CDK14: variants seen among roughly 807,000 people sequenced by gnomAD.
CDK14 encodes the protein cyclin-dependent kinase 14.
CDK14 carries 34 observed loss-of-function variants against 60.7 expected under a neutral mutation model. That is an observed-to-expected ratio of 0.56 (90% confidence interval 0.43 to 0.75). The LOEUF (loss-of-function observed/expected upper bound fraction) is 0.75, where lower values mean the gene tolerates loss of function less well. Ranked by LOEUF, CDK14 falls within the 30% of genes least tolerant of loss-of-function variation. The pLI is 0.00. For synonymous variants in CDK14, 197 were observed against 203.7 expected (o/e 0.97, Z 0.28); for missense variants, 482 against 564.1 (o/e 0.85, Z 1.47).
intron 7 of CDK14, among the ~76,000 whole-genome samples, chr7:90,903,549 C>G (rs1244044686): frequency 1.3e-5 from 2 of 152,002 alleles, no homozygotes; most frequent in South Asian, 4.1e-4. Context: ...ATGATAGTTA[C>G]CAGAGGCTGG....
chr7:90,665,246 C>T (rs963825600), intron 2 of CDK14, among the ~76,000 whole-genome samples: 1 of 151,926 alleles, frequency 6.6e-6, no homozygotes, highest in Admixed American at 6.6e-5. Flanking sequence ...GATTGTGCCA[C>T]TGTACTCCAG....
At chr7:90,745,945 A>C (rs745402678) in intron 3 of CDK14, among the ~76,000 whole-genome samples, 109 of 152,134 alleles carry the variant, frequency 7.2e-4, no homozygotes, top group Non-Finnish European at 1.3e-3. Flanking sequence ...GGATGGGGAG[A>C]CATTGCTTTT....
intron 10 of CDK14, among the ~76,000 whole-genome samples, chr7:91,016,992 G>T (rs182658129): frequency 2.0e-5 from 3 of 152,180 alleles, no homozygotes; most frequent in African/African-American, 4.8e-5. Flanking sequence ...TAAGGAAGAA[G>T]GCAGGCAAAA....
intron 10 of CDK14, among the ~76,000 whole-genome samples, chr7:91,010,761 TTTCC>T (rs1281298391): frequency 6.8e-6 from 1 of 148,028 alleles, no homozygotes; most frequent in Non-Finnish European, 1.5e-5. Context: ...TCCTTCTTTC[TTTCC>T]TTCCTTCTTT....
intron 5 of CDK14, among the ~76,000 whole-genome samples, chr7:90,833,005 C>G (rs1412134176): frequency 6.6e-6 from 1 of 152,202 alleles, no homozygotes; most frequent in Non-Finnish European, 1.5e-5. Flanking sequence ...TGTCACCCAT[C>G]ATGTCAGCAC....
At chr7:90,954,266 TAATA>T (rs1256612095) in intron 8 of CDK14, among the ~76,000 whole-genome samples, 2 of 152,110 alleles carry the variant, frequency 1.3e-5, no homozygotes, top group Admixed American at 6.6e-5. Context: ...ATGCTACATT[TAATA>T]AATAAGAAAA....
At chr7:90,602,764 TTTCA>T (rs1231448050) in intron 1 of CDK14, among the ~76,000 whole-genome samples, 2 of 152,220 alleles carry the variant, frequency 1.3e-5, no homozygotes, top group Admixed American at 1.3e-4. Context: ...TTCCATTCAC[TTTCA>T]GAAGAAATGG....
chr7:91,101,458 G>A (rs377732119), intron 12 of CDK14, among the ~76,000 whole-genome samples: 2 of 152,258 alleles, frequency 1.3e-5, no homozygotes, highest in South Asian at 4.2e-4. Flanking sequence ...GGAGATTGTG[G>A]CATTAAACAA....
At chr7:90,785,804 A>G (rs976416156) in intron 4 of CDK14, among the ~76,000 whole-genome samples, 1 of 148,342 alleles carries the variant, frequency 6.7e-6, no homozygotes, top group African/African-American at 2.5e-5. Context: ...AAAAAAAAAA[A>G]AAGAGAAAAC....
At chr7:90,929,085 G>A (rs1793511616) in intron 8 of CDK14, among the ~76,000 whole-genome samples, 2 of 152,186 alleles carry the variant, frequency 1.3e-5, no homozygotes, top group African/African-American at 4.8e-5. Context: ...ACTGTATTAG[G>A]GTGGGAGTGT....
chr7:90,620,081 T>C (rs188108492), intron 2 of CDK14, among the ~76,000 whole-genome samples: 117 of 152,316 alleles, frequency 7.7e-4, no homozygotes, highest in Admixed American at 3.3e-3. Context: ...AGTATGTATA[T>C]TAAATGTTTC....
intron 8 of CDK14, among the ~76,000 whole-genome samples, chr7:90,950,684 A>G (rs1008296299): frequency 6.6e-6 from 1 of 152,188 alleles, no homozygotes; most frequent in Non-Finnish European, 1.5e-5. Flanking sequence ...GAAATGTTCA[A>G]TTGAGATACC....
At position 90,815,503 on chromosome 7, in the gene CDK14, G is replaced by C. The variant is rs183420145; in HGVS notation, c.544+24851G>C. 4.6e-5 allele frequency among the ~76,000 whole-genome samples: 7 copies of C among 152,296 alleles called. No individual in the cohort carries two copies. In the East Asian group the frequency reaches 1.2e-3, roughly 25 times the overall value. On this transcript the variant is annotated intron_variant, in intron 5 of 14. Transcript: ENST00000380050. ...ATTAGTTCAACCATTGTGGAATGCA[G>C]TATGGCAATTCCTCAAGGACCTAGA...
chr7:90,681,375 A>G (rs1386258019), intron 2 of CDK14, among the ~76,000 whole-genome samples: 4 of 152,188 alleles, frequency 2.6e-5, no homozygotes, highest in Non-Finnish European at 5.9e-5. Context: ...TATTTCCATT[A>G]CAGGCTTGGT....
chr7:90,940,490 T>G (rs1382353712), intron 8 of CDK14, among the ~76,000 whole-genome samples: 1 of 152,086 alleles, frequency 6.6e-6, no homozygotes, highest in Non-Finnish European at 1.5e-5. Flanking sequence ...TTTGTATGTA[T>G]AAATATACAA....
intron 14 of CDK14, among the ~76,000 whole-genome samples, chr7:91,118,486 C>T (rs961165271): frequency 6.6e-6 from 1 of 152,148 alleles, no homozygotes. Context: ...ACTCACATTC[C>T]TCATGGAGAT....
At chr7:91,088,520 G>A (rs1471122228) in intron 12 of CDK14, among the ~76,000 whole-genome samples, 2 of 151,746 alleles carry the variant, frequency 1.3e-5, no homozygotes, top group African/African-American at 4.8e-5. Context: ...TGGGATTTCA[G>A]AAAAATCTAG....
chr7:90,789,140 T>C (rs1805720177), intron 4 of CDK14, among the ~76,000 whole-genome samples: 1 of 152,202 alleles, frequency 6.6e-6, no homozygotes, highest in Non-Finnish European at 1.5e-5. Flanking sequence ...TATTACATCA[T>C]TGTAGTAGCA....
In CDK14 at chr7:90,832,039, A is replaced by G. The variant is rs150335330; in HGVS notation, c.545-31136A>G. 1.1e-4 allele frequency among the ~76,000 whole-genome samples: 17 copies of G among 152,106 alleles called. No homozygotes were observed. In the East Asian group the frequency reaches 3.3e-3, roughly 30 times the overall value. ...TCTGCTCAAGAGATTACCTCCTCAA[A>G]GATGTCTTCAGAGAATACATCTGAT... On this transcript the variant is annotated intron_variant, in intron 5 of 14. Coordinates refer to ENST00000380050, the MANE Select transcript of CDK14 (RefSeq NM_001287135.2).
Sources: allele counts gnomAD v4.1 joint callset (sites outside exome capture counted in the v4.1 genomes callset), GRCh38; gene constraint gnomAD v4.1.1; transcripts MANE v1.5; gene names NCBI Gene and HGNC (gene_info 2026-07-23, HGNC 2026-07-21).